Variants in LRBA observed in about 807,000 individuals in gnomAD.
LRBA encodes LPS responsive beige-like anchor protein, also known as lipopolysaccharide-responsive and beige-like anchor protein.
Under a neutral mutation model 330.0 loss-of-function variants are expected in LRBA, and 176 were observed. The ratio of observed to expected loss-of-function variants is 0.53; its 90% CI spans 0.47 to 0.60. LRBA has a LOEUF of 0.60. Ranked by LOEUF, LRBA falls within the 20% of genes least tolerant of loss-of-function variation. The probability of loss-of-function intolerance (pLI) is 0.00; values close to 1 mark genes in which losing one functional copy is unlikely to be tolerated. For missense variants in LRBA, 3,259 were observed against 3,444.8 expected (o/e 0.95, Z 1.35); for synonymous variants, 1,230 against 1,193.0 (o/e 1.03, Z -0.64).
chr4:151,006,393 T>C (rs1436069554), intron 2 of LRBA, among the ~76,000 whole-genome samples: 1 of 152,074 alleles, frequency 6.6e-6, no homozygotes, highest in Non-Finnish European at 1.5e-5. Flanking sequence ...AAGATTGTAC[T>C]TTTATTTTAA....
At chr4:150,604,450 T>G (rs958818439) in intron 37 of LRBA, among the ~76,000 whole-genome samples, 33 of 152,006 alleles carry the variant, frequency 2.2e-4, no homozygotes, top group African/African-American at 8.0e-4. Context: ...GAAACCCAAT[T>G]AGCCAGTTAA....
intron 37 of LRBA, among the ~76,000 whole-genome samples, chr4:150,665,232 T>G (rs1200431792): frequency 6.6e-6 from 1 of 152,234 alleles, no homozygotes; most frequent in Non-Finnish European, 1.5e-5. Flanking sequence ...CATTTGGGAC[T>G]GGTTGCTTAG....
At chr4:150,386,179 T>G (rs1743025536) in intron 47 of LRBA, among the ~76,000 whole-genome samples, 1 of 151,888 alleles carries the variant, frequency 6.6e-6, no homozygotes. Flanking sequence ...ATAATCAAAA[T>G]CAGCATTCTC....
intron 16 of LRBA, among the ~76,000 whole-genome samples, chr4:150,894,140 GA>G (rs934938993): frequency 6.6e-6 from 1 of 152,058 alleles, no homozygotes; most frequent in Non-Finnish European, 1.5e-5. Context: ...CTCTATTACA[GA>G]AAAATATATT....
chr4:150,663,386 G>A (rs1157302961), intron 37 of LRBA, among the ~76,000 whole-genome samples: 5 of 151,950 alleles, frequency 3.3e-5, no homozygotes, highest in African/African-American at 9.7e-5. Context: ...ATGACAGAAG[G>A]TGCACAAAAG....
At chr4:150,773,167 A>G (rs1736810245) in intron 34 of LRBA, among the ~76,000 whole-genome samples, 1 of 152,188 alleles carries the variant, frequency 6.6e-6, no homozygotes, top group Non-Finnish European at 1.5e-5. Flanking sequence ...TTGCTCACTA[A>G]GTGGAACCAG....
intron 40 of LRBA, among the ~76,000 whole-genome samples, chr4:150,525,976 T>TG (rs1763428556): frequency 6.6e-6 from 1 of 152,016 alleles, no homozygotes; most frequent in African/African-American, 2.4e-5. Context: ...TCACAGGGTG[T>TG]AATTACCTTG....
rs1052783218 is a variant in LRBA, at chr4:150,738,286, C to T, written c.5646-2920G>A. ...GATTTCAGGTGTGAGACACAGCAGC[C>T]GGCCGAATTCTGACAGACTTATGAC... On this transcript the variant is annotated intron_variant, in intron 35 of 56. Coordinates refer to ENST00000651943, the MANE Select transcript of LRBA (RefSeq NM_001364905.1). Among the ~76,000 whole-genome samples, 3 of 151,964 alleles carry T rather than the reference C, an allele frequency of 2.0e-5. 1 individual carries two copies. The highest frequency in any genetic ancestry group is 4.4e-5 in the Non-Finnish European group (3 of 68,026).
intron 40 of LRBA, among the ~76,000 whole-genome samples, chr4:150,559,011 A>G (rs1359395946): frequency 1.3e-5 from 2 of 152,200 alleles, no homozygotes; most frequent in African/African-American, 2.4e-5. Context: ...AAGGGCAGGT[A>G]GACATCCTGT....
At position 150,897,805 on chromosome 4, in the gene LRBA, A is replaced by G. The variant is rs368474928; in HGVS notation, c.1938T>C (p.Pro646=). ...GTAGAGAAAGCATTTCTTTTTGATTAGGTCGCGGTCCATCTTTTAAAAAAA... is the reference window on the plus strand; with the variant it reads ...GTAGAGAAAGCATTTCTTTTTGATTGGGTCGCGGTCCATCTTTTAAAAAAA... The part of the protein sequence containing the change: ...ITPKGLDGPR[P]NQKEMLSLRA... Residue 646 remains proline (P), a synonymous_variant, in exon 15 of 57, where the codon CCT becomes CCC. Transcript: ENST00000651943. 6 of 1,611,136 alleles carry G rather than the reference A, an allele frequency of 3.7e-6. No individual in the cohort carries two copies. Among genetic ancestry groups the G allele is most frequent in the Admixed American group, 1.7e-5 (1 of 59,926 alleles).
chr4:150,620,098 G>T (rs988041059), intron 37 of LRBA, among the ~76,000 whole-genome samples: 1 of 151,930 alleles, frequency 6.6e-6, no homozygotes, highest in African/African-American at 2.4e-5. Flanking sequence ...TTAATGTTTC[G>T]TTAATGGATC....
At chr4:150,991,899 T>G (rs557652818) in intron 2 of LRBA, among the ~76,000 whole-genome samples, 1 of 152,264 alleles carries the variant, frequency 6.6e-6, no homozygotes, top group East Asian at 1.9e-4. Flanking sequence ...AACACATAAT[T>G]TGAACAAGGT....
chr4:150,741,582 A>G (rs1451842122), intron 35 of LRBA, among the ~76,000 whole-genome samples: 3 of 152,204 alleles, frequency 2.0e-5, no homozygotes, highest in Non-Finnish European at 2.9e-5. Flanking sequence ...CATGGCAATT[A>G]TTTACAATAG....
intron 17 of LRBA, among the ~76,000 whole-genome samples, chr4:150,877,257 CAAAA>C (rs796849728): frequency 6.1e-5 from 5 of 81,764 alleles, no homozygotes; most frequent in Admixed American, 1.5e-4. Flanking sequence ...GACTCCGTAT[CAAAA>C]AAAAAAAAAA....
At chr4:150,688,525 G>A (rs1783824833) in intron 36 of LRBA, among the ~76,000 whole-genome samples, 1 of 152,146 alleles carries the variant, frequency 6.6e-6, no homozygotes, top group African/African-American at 2.4e-5. Flanking sequence ...ACAACCTACA[G>A]AATGAAAGAA....
intron 40 of LRBA, among the ~76,000 whole-genome samples, chr4:150,566,772 A>G (rs1769190659): frequency 6.6e-6 from 1 of 152,152 alleles, no homozygotes; most frequent in East Asian, 1.9e-4. Context: ...TACAGATACA[A>G]CTTTTAAAAA....
intron 31 of LRBA, among the ~76,000 whole-genome samples, chr4:150,809,122 G>A (rs559610723): frequency 1.3e-5 from 2 of 152,264 alleles, no homozygotes; most frequent in South Asian, 4.1e-4. Flanking sequence ...AGAGAAAACT[G>A]AGAATTGTAG....
intron 2 of LRBA, among the ~76,000 whole-genome samples, chr4:151,007,725 C>T (rs1234544934): frequency 6.6e-6 from 1 of 151,100 alleles, no homozygotes; most frequent in African/African-American, 2.4e-5. Context: ...GGCGTGGTGG[C>T]GGGCGCCTGT....
At chr4:150,838,525 CT>C (rs903929126) in intron 28 of LRBA, among the ~76,000 whole-genome samples, 4 of 152,188 alleles carry the variant, frequency 2.6e-5, no homozygotes, top group Non-Finnish European at 5.9e-5. Flanking sequence ...TCTCTTCTCA[CT>C]TCATTTCATT....
Sources: gnomAD v4.1 joint callset for allele counts (sites outside exome capture counted in the v4.1 genomes callset) on GRCh38, gnomAD v4.1.1 for gene constraint, MANE v1.5 for transcripts, NCBI Gene and HGNC (gene_info 2026-07-23, HGNC 2026-07-21) for gene names.